Variants in BPIFB2 observed in about 807,000 individuals in gnomAD.
The protein encoded by BPIFB2 is BPI fold containing family B member 2.
A neutral mutation model predicts 50.1 loss-of-function variants in BPIFB2; 39 were observed. The observed-to-expected ratio is 0.78, with a 90% CI of 0.60 to 1.02. The LOEUF is 1.02. Among genes scored for constraint, BPIFB2 ranks in the 50% least tolerant of loss-of-function variants. The pLI is 0.00. For missense variants in BPIFB2, 574 were observed against 585.8 expected (o/e 0.98, Z 0.21); for synonymous variants, 280 against 256.3 (o/e 1.09, Z -0.88).
At position 33,021,758 on chromosome 20, in the gene BPIFB2, G is replaced by A; in HGVS notation, c.1294G>A (p.Val432Ile). Reference protein sequence around the residue: ...LAMGIALPGVVNLHYVAPEIF... With the variant: ...LAMGIALPGVINLHYVAPEIF... ...CATGGGAATTGCCCTCCCTGGTGTG[G>A]TCAACCTCCACTATGTCGCCCCTGA... is the stretch of plus-strand genomic sequence containing the variant. The change falls in exon 15 of 16, where the codon GTC becomes ATC. Residue 432 changes from valine (V) to isoleucine (I), a missense_variant. Coordinates refer to ENST00000170150, the MANE Select transcript of BPIFB2 (RefSeq NM_025227.3). The A allele has an allele frequency of 6.2e-7, 1 of 1,614,178 alleles. No individual in the cohort carries two copies. The highest frequency in any genetic ancestry group is 8.5e-7 in the Non-Finnish European group (1 of 1,180,026).
Position 33,008,514 on chromosome 20 carries a change from G to A in BPIFB2, c.-34-27G>A, listed in dbSNP as rs1268755031. The A allele has an allele frequency of 2.1e-6, 3 of 1,424,952 alleles. No homozygotes were observed. The East Asian group carries it at 7.6e-5, about 36-fold the overall frequency. 88.3% of individuals were successfully genotyped at this position (1,424,952 alleles called of 1,614,324 possible). ...CTCAGGGGTGGGCTGTTTTGGCTGA[G>A]CTCCCTGATGCTCATTTCTACCCCA... On this transcript the variant is annotated intron_variant, in intron 1 of 15. Transcript: ENST00000170150.
chr20:33,020,067 C>T (rs995832691), intron 11 of BPIFB2, among the ~76,000 whole-genome samples: 2 of 152,366 alleles, frequency 1.3e-5, no homozygotes, highest in Admixed American at 6.5e-5. Flanking sequence ...GTGGCCCCTG[C>T]CACTCTCTGA....
At chr20:33,015,345 G>A in intron 5 of BPIFB2, 91 bp from the exon 6 acceptor site, 2 of 1,215,206 alleles carry the variant, frequency 1.6e-6, no homozygotes, top group Non-Finnish European at 2.3e-6. Context: ...GCTGAGGATA[G>A]AGACTTCTCT....
chr20:33,007,966 C>T (rs770265093), intron 1 of BPIFB2, among the ~76,000 whole-genome samples: 4 of 152,218 alleles, frequency 2.6e-5, no homozygotes, highest in African/African-American at 4.8e-5. Flanking sequence ...CTCCCTCTCC[C>T]TGAGTCAGAC....
intron 1 of BPIFB2, among the ~76,000 whole-genome samples, 179 bp downstream of exon 1, chr20:33,007,939 C>G (rs770485446): frequency 6.6e-6 from 1 of 152,226 alleles, no homozygotes; most frequent in African/African-American, 2.4e-5. Flanking sequence ...GAGCCGCAGT[C>G]CCTCACTCCT....
Position 33,019,498 on chromosome 20 carries a change from C to T in BPIFB2, c.910-82C>T. ...AGTCACATACAGCGCCATGGTGGCC[C>T]AATCAGCATTTGAGGAGTGACTGAC... On this transcript the variant is annotated intron_variant, in intron 10 of 15. Transcript: ENST00000170150. 4.9e-6 allele frequency: 7 copies of T among 1,421,274 alleles called. No individual in the cohort carries two copies. In the South Asian group the frequency reaches 1.0e-4, roughly 20 times the overall value. The allele number at this position is 1,421,274 out of a possible 1,614,324, so 88.0% of individuals were successfully genotyped here. A position where few individuals can be genotyped will look rare whatever the true frequency, so the allele number is the denominator to read the frequency against.
intron 13 of BPIFB2, 102 bp downstream of exon 13, chr20:33,020,689 G>T: frequency 7.4e-7 from 1 of 1,349,506 alleles, no homozygotes. Context: ...CCGTGTGCCT[G>T]TGTGTGCCAC....
intron 13 of BPIFB2, 118 bp from the exon 14 acceptor site, chr20:33,021,163 C>T: frequency 1.8e-6 from 2 of 1,133,194 alleles, no homozygotes; most frequent in Non-Finnish European, 2.6e-6. Context: ...GTGCCTCAGC[C>T]TCTGCCATCC....
rs756186804 is a variant in BPIFB2 at position 33,021,790 on chromosome 20, T to C, written c.1326T>C (p.Phe442=). The change falls in exon 15 of 16, where the codon TTT becomes TTC. Residue 442 remains phenylalanine, a synonymous_variant. Transcript: ENST00000170150. ...VNLHYVAPEI[F]VYEGYVVISS... is the part of the protein sequence containing the mutation. ...TCCACTATGTCGCCCCTGAGATCTT[T>C]GTCTATGAGGTGAGAGCCTTTGGGT... 28 of 1,613,742 alleles carry C rather than the reference T, an allele frequency of 1.7e-5. No homozygotes were observed. The highest frequency in any genetic ancestry group is 2.3e-5 in the Non-Finnish European group (27 of 1,179,754).
At position 33,018,333 on chromosome 20, in the gene BPIFB2, A is replaced by C; in HGVS notation, c.652A>C (p.Ile218Leu). ...VSVPTVTSDY[I>L]SLEVNAVLFL... ...TGTGCCCACTGTCACCAGTGACTAC[A>C]TTTCCCTGGAAGTCAATGTAAGTGC... The change falls in exon 8 of 16, where the codon ATT becomes CTT. Residue 218 changes from isoleucine to leucine, a missense_variant. Transcript: ENST00000170150. 6.2e-7 allele frequency: 1 copy of C among 1,613,632 alleles called. No individual in the cohort carries two copies. The highest frequency in any genetic ancestry group is 8.5e-7 in the Non-Finnish European group (1 of 1,179,634).
intron 7 of BPIFB2, among the ~76,000 whole-genome samples, chr20:33,017,675 G>A (rs1370285021): frequency 1.3e-5 from 2 of 152,220 alleles, no homozygotes; most frequent in East Asian, 1.9e-4. Context: ...AGTTCTCATA[G>A]GAGACAGTGT....
At chr20:33,019,038 T>C in intron 9 of BPIFB2, 24 bp from the exon 10 acceptor site, 1 of 1,614,140 alleles carries the variant, frequency 6.2e-7, no homozygotes, top group Non-Finnish European at 8.5e-7. Context: ...TAAAACCTGT[T>C]GTGGCCTGGG....
At chr20:33,012,577 C>T (rs773090864) in intron 3 of BPIFB2, among the ~76,000 whole-genome samples, 27 of 152,114 alleles carry the variant, frequency 1.8e-4, no homozygotes, top group Non-Finnish European at 3.1e-4. Context: ...AAGTCCTGCC[C>T]GAAGCGGGGG....
chr20:33,007,922 C>T (rs746433589), intron 1 of BPIFB2, among the ~76,000 whole-genome samples, 162 bp downstream of exon 1: 12 of 152,220 alleles, frequency 7.9e-5, no homozygotes, highest in Non-Finnish European at 1.8e-4. Flanking sequence ...TCTCAGCAGA[C>T]CCACCTGAGC....
chr20:33,020,536 T>C lies in BPIFB2; in HGVS notation c.1149-6T>C, dbSNP rs1568979590. ...CCTGTCCTGAATTCTCCTGCTTCTC[T>C]TTCAGGGATGTCCAGCTCACGGTGG... On this transcript the variant is annotated splice_region_variant and splice_polypyrimidine_tract_variant and intron_variant, in intron 12 of 15. Transcript: ENST00000170150. The C allele has an allele frequency of 6.2e-7, 1 of 1,607,548 alleles. No individual in the cohort carries two copies. Among genetic ancestry groups the C allele is most frequent in the Non-Finnish European group, 8.5e-7 (1 of 1,175,840 alleles).
At chr20:33,008,087 C>T (rs550528547) in intron 1 of BPIFB2, among the ~76,000 whole-genome samples, 3 of 152,194 alleles carry the variant, frequency 2.0e-5, no homozygotes, top group African/African-American at 7.2e-5. Flanking sequence ...ACAGGAGCCA[C>T]CCTGGGTCCT....
intron 13 of BPIFB2, 146 bp from the exon 14 acceptor site, chr20:33,021,135 T>C: frequency 2.3e-6 from 2 of 871,540 alleles, no homozygotes; most frequent in South Asian, 3.2e-5. Context: ...AGGACATGGG[T>C]GATCTGCCTT....
chr20:33,019,648 C>T lies in BPIFB2; in HGVS notation c.978C>T (p.Ala326=). 1.2e-6 allele frequency: 2 copies of T among 1,612,596 alleles called. No homozygotes were observed. The highest frequency in any genetic ancestry group is 1.1e-5 in the South Asian group (1 of 90,732). The change falls in exon 11 of 16, where the codon GCC becomes GCT. Residue 326 remains alanine, a synonymous_variant. Coordinates refer to ENST00000170150, the MANE Select transcript of BPIFB2 (RefSeq NM_025227.3). ...LKVRLGATPV[A]MLHTNNATLR... is the part of the protein sequence containing the mutation. ...TGCGGCTGGGTGCCACACCTGTGGCCATGCTCCACACAAACAACGCCACCC... is the reference window on the plus strand; with the variant it reads ...TGCGGCTGGGTGCCACACCTGTGGCTATGCTCCACACAAACAACGCCACCC...
chr20:33,023,445 C>T lies in BPIFB2; in HGVS notation c.*62C>T. The T allele has an allele frequency of 1.3e-6, 2 of 1,569,138 alleles. No homozygotes were observed. The highest frequency in any genetic ancestry group is 1.7e-5 in the Admixed American group (1 of 59,866). On this transcript the variant is annotated 3_prime_UTR_variant, in exon 16 of 16. Coordinates refer to ENST00000170150, the MANE Select transcript of BPIFB2 (RefSeq NM_025227.3). ...CGCTGCTCAGGCGAATTTCTCATTT[C>T]AAGCCACTGGGGAAACTGAGGCAAA...
Sources: allele counts gnomAD v4.1 joint callset (sites outside exome capture counted in the v4.1 genomes callset), GRCh38; gene constraint gnomAD v4.1.1; transcripts MANE v1.5; gene names NCBI Gene and HGNC (gene_info 2026-07-23, HGNC 2026-07-21).